PCDHGA10: variants seen among roughly 807,000 people sequenced by gnomAD.
PCDHGA10 encodes protocadherin gamma subfamily A, 10, also known as protocadherin gamma-A10.
PCDHGA10 carries 42 observed loss-of-function variants against 59.5 expected under a neutral mutation model. The observed-to-expected ratio is 0.71, with a 90% confidence interval of 0.55 to 0.91. The LOEUF (loss-of-function observed/expected upper bound fraction) is 0.91, where lower values mean the gene tolerates loss of function less well. Ranked by LOEUF, PCDHGA10 falls within the 40% of genes least tolerant of loss-of-function variation. The probability of loss-of-function intolerance (pLI) is 0.00; values close to 1 mark genes in which losing one functional copy is unlikely to be tolerated. For synonymous variants in PCDHGA10, 511 were observed against 517.2 expected, an observed-to-expected ratio of 0.99 and a Z score of 0.16; for missense variants, 1,111 against 1,198.2, an observed-to-expected ratio of 0.93 and a Z score of 1.07.
chr5:141,491,199 C>T lies in PCDHGA10; in HGVS notation c.2437-3608C>T. ...TGGTCCTGGTGAGGGACAATGGTGA[C>T]CCTTCACTCTCCTCCACAGCCACAG... On this transcript the variant is annotated intron_variant, in intron 1 of 3. Coordinates refer to ENST00000398610, the MANE Select transcript of PCDHGA10 (RefSeq NM_018913.3). The surrounding 1 kb of genome is among the most constrained non-coding windows in gnomAD (Gnocchi z 6.9). 1 of 1,614,190 alleles carries T rather than the reference C, an allele frequency of 6.2e-7. No homozygotes were observed. Among genetic ancestry groups the T allele is most frequent in the South Asian group, 1.1e-5 (1 of 91,086 alleles).
chr5:141,484,941 C>T (rs2099604065), intron 1 of PCDHGA10: 2 of 543,888 alleles, frequency 3.7e-6, no homozygotes, highest in East Asian at 6.3e-5. Context: ...ACGTTCTCTG[C>T]TCAGCCTATT....
chr5:141,415,860 A>G (rs2095965840), intron 1 of PCDHGA10: 3 of 1,175,636 alleles, frequency 2.6e-6, no homozygotes, highest in Middle Eastern at 3.1e-4. Context: ...CTTGTAGTTT[A>G]TAGTGTTGTT....
intron 1 of PCDHGA10, chr5:141,492,015 G>A (rs117345436): frequency 3.3e-6 from 2 of 600,492 alleles, no homozygotes; most frequent in African/African-American, 1.9e-5. Context: ...CGCGGGTGTC[G>A]GGGGTCCCGG....
rs71576115 is a variant in PCDHGA10, at chr5:141,463,438, CTTTT to C, written c.2437-31344_2437-31341del. Among the ~76,000 whole-genome samples, 12 of 103,242 alleles carry C rather than the reference CTTTT, an allele frequency of 1.2e-4. No homozygotes were observed. In the South Asian group the frequency reaches 1.6e-3, roughly 14 times the overall value. 67.7% of individuals were successfully genotyped at this position (103,242 alleles called of 152,430 possible). ...GTTTGCGGATCCTCATTTCCTTCTCCTTTTTTTTTTTTTTTTTTTTTTTTTTTTG... is the reference window on the plus strand; with the variant it reads ...GTTTGCGGATCCTCATTTCCTTCTCCTTTTTTTTTTTTTTTTTTTTTTTTG... On this transcript the variant is annotated intron_variant, in intron 1 of 3. Coordinates refer to ENST00000398610, the MANE Select transcript of PCDHGA10 (RefSeq NM_018913.3).
At chr5:141,420,494 C>T (rs978136090) in intron 1 of PCDHGA10, 6 of 499,392 alleles carry the variant, frequency 1.2e-5, no homozygotes, top group African/African-American at 2.0e-5. Flanking sequence ...GGGTAATCTC[C>T]GGTGACATTT....
intron 1 of PCDHGA10, among the ~76,000 whole-genome samples, chr5:141,473,126 A>C (rs2154571574): frequency 6.6e-6 from 1 of 152,356 alleles, no homozygotes; most frequent in South Asian, 2.1e-4. Flanking sequence ...GCTCTTTGGC[A>C]AACTATATTA....
intron 2 of PCDHGA10, among the ~76,000 whole-genome samples, chr5:141,501,890 A>G (rs1046816316): frequency 6.6e-6 from 1 of 151,980 alleles, no homozygotes; most frequent in Non-Finnish European, 1.5e-5. Flanking sequence ...CCTGATCATC[A>G]TGGTTCCAAC....
At chr5:141,450,006 CTTTTTTT>C (rs1554136305) in intron 1 of PCDHGA10, among the ~76,000 whole-genome samples, 12 of 132,986 alleles carry the variant, frequency 9.0e-5, no homozygotes, top group Non-Finnish European at 1.7e-4. Context: ...TGCCATGTCT[CTTTTTTT>C]TTTTTTTTTT....
intron 1 of PCDHGA10, chr5:141,428,419 C>G: frequency 4.4e-6 from 2 of 451,920 alleles, no homozygotes; most frequent in Non-Finnish European, 4.1e-6. Flanking sequence ...TCACCCTGGT[C>G]TCTGTTCTAA....
In PCDHGA10 at chr5:141,431,243, A is replaced by G; in HGVS notation, c.2436+15632A>G. 1 of 1,614,154 alleles carries G rather than the reference A, an allele frequency of 6.2e-7. No homozygotes were observed. Among genetic ancestry groups the G allele is most frequent in the Non-Finnish European group, 8.5e-7 (1 of 1,180,034 alleles). ...TCTACCCCACGCCTGGGATCCGGAT[A>G]TCGGGAAGAACTCTCTGCAGAGCTA... On this transcript the variant is annotated intron_variant, in intron 1 of 3. Coordinates refer to ENST00000398610, the MANE Select transcript of PCDHGA10 (RefSeq NM_018913.3). This position sits in a 1 kb window ranked among gnomAD's most constrained non-coding sequence, Gnocchi z 4.8.
At chr5:141,436,239 G>T (rs1426798903) in intron 1 of PCDHGA10, among the ~76,000 whole-genome samples, 2 of 152,012 alleles carry the variant, frequency 1.3e-5, no homozygotes, top group South Asian at 2.1e-4. Flanking sequence ...AAGCTAACAT[G>T]GTCTAATTAT....
chr5:141,453,201 C>T (rs115660512), intron 1 of PCDHGA10, among the ~76,000 whole-genome samples: 2,052 of 152,204 alleles, frequency 0.013, 46 homozygotes, highest in African/African-American at 0.048. Flanking sequence ...GCAGCCTCAA[C>T]CTCGTGCACT....
intron 1 of PCDHGA10, among the ~76,000 whole-genome samples, chr5:141,429,326 T>A (rs571458414): frequency 6.6e-6 from 1 of 152,230 alleles, no homozygotes; most frequent in East Asian, 1.9e-4. Context: ...TTTTCTTTAA[T>A]CCATTAACTA....
intron 1 of PCDHGA10, among the ~76,000 whole-genome samples, chr5:141,479,996 G>A (rs759188600): frequency 7.2e-5 from 11 of 152,244 alleles, no homozygotes; most frequent in Middle Eastern, 3.2e-3. Context: ...CTAGGAGTCT[G>A]TGGCCAAGTT....
chr5:141,489,060 TC>T lies in PCDHGA10; in HGVS notation c.2437-5741del, dbSNP rs1037208652. 41 of 300,146 alleles carry T rather than the reference TC, an allele frequency of 1.4e-4. No individual in the cohort carries two copies. The highest frequency in any genetic ancestry group is 2.3e-4 in the Non-Finnish European group (38 of 162,914). The allele number at this position is 300,146 out of a possible 1,614,324, so 18.6% of individuals were successfully genotyped here. A position where few individuals can be genotyped will look rare whatever the true frequency, so the allele number is the denominator to read the frequency against. On this transcript the variant is annotated intron_variant, in intron 1 of 3. Coordinates refer to ENST00000398610, the MANE Select transcript of PCDHGA10 (RefSeq NM_018913.3). This position sits in a 1 kb window ranked among gnomAD's most constrained non-coding sequence, Gnocchi z 4.5. ...CAGCTCCACTCAAATTCAGCTCCCC[TC>T]CCCCCTGCCCACCCCCGCCACTCGG...
intron 1 of PCDHGA10, among the ~76,000 whole-genome samples, chr5:141,463,049 T>C (rs529642816): frequency 3.9e-4 from 60 of 152,326 alleles, no homozygotes; most frequent in African/African-American, 1.3e-3. Context: ...CAGCAGGGTC[T>C]CTTTATTATG....
intron 1 of PCDHGA10, chr5:141,423,473 C>A: frequency 6.2e-7 from 1 of 1,614,010 alleles, no homozygotes; most frequent in Non-Finnish European, 8.5e-7. Flanking sequence ...GGGGTACAGG[C>A]TTTCCTGCAA....
At position 141,433,358 on chromosome 5, in the gene PCDHGA10, C is replaced by CTATCTAT. The variant is rs2097585632; in HGVS notation, c.2436+17747_2436+17748insTATCTAT. ...ACAGGTGCAAGCCACCTACTGTCTG[C>CTATCTAT]CTATCTATCTATCTATCTATCTATC... On this transcript the variant is annotated intron_variant, in intron 1 of 3. Coordinates refer to ENST00000398610, the MANE Select transcript of PCDHGA10 (RefSeq NM_018913.3). 11 of 503,932 alleles carry CTATCTAT rather than the reference C, an allele frequency of 2.2e-5. No individual in the cohort carries two copies. The African/African-American group carries it at 2.3e-4, about 10-fold the overall frequency. The allele number at this position is 503,932 out of a possible 1,614,324, so 31.2% of individuals were successfully genotyped here.
intron 1 of PCDHGA10, chr5:141,419,742 T>C (rs1388509503): frequency 2.5e-5 from 41 of 1,613,742 alleles, no homozygotes; most frequent in Non-Finnish European, 3.5e-5. Context: ...GAGGTGCGCA[T>C]GGTGCGTGCT....
Sources: gnomAD v4.1 joint callset for allele counts (sites outside exome capture counted in the v4.1 genomes callset) on GRCh38, gnomAD v4.1.1 for gene constraint, Gnocchi (gnomAD v3.1) non-coding constraint, MANE v1.5 for transcripts, NCBI Gene and HGNC (gene_info 2026-07-23, HGNC 2026-07-21) for gene names.